PCSK6: variants seen among roughly 807,000 people sequenced by gnomAD.
PCSK6 encodes proprotein convertase subtilisin/kexin type 6.
In PCSK6, 85 loss-of-function variants were observed where a neutral mutation model predicts 123.3. That is an observed-to-expected ratio of 0.69 (90% CI 0.58 to 0.83). PCSK6 has a LOEUF of 0.83. PCSK6 is among the 40% of genes least tolerant of loss of function. PCSK6 has a pLI of 0.00. For synonymous variants in PCSK6, 508 were observed against 516.0 expected (o/e 0.98, Z 0.21); for missense variants, 1,191 against 1,282.3 (o/e 0.93, Z 1.09).
At chr15:101,330,396 C>T (rs773231567) in intron 15 of PCSK6, among the ~76,000 whole-genome samples, 28 of 152,254 alleles carry the variant, frequency 1.8e-4, no homozygotes, top group Non-Finnish European at 3.2e-4. Context: ...TCCTGATGCA[C>T]CATGACCATG....
intron 1 of PCSK6, among the ~76,000 whole-genome samples, chr15:101,474,548 C>A (rs1369331830): frequency 6.6e-6 from 1 of 152,224 alleles, no homozygotes; most frequent in Non-Finnish European, 1.5e-5. Flanking sequence ...CCCCTACCCT[C>A]TAATGGCATC....
rs117278521 is a variant in PCSK6, at chr15:101,381,439, G to A, written c.1532+653C>T. 3.2e-3 allele frequency among the ~76,000 whole-genome samples: 485 copies of A among 152,278 alleles called. 16 individuals carry two copies. The East Asian group carries it at 0.06, about 19-fold the overall frequency. On this transcript the variant is annotated intron_variant, in intron 11 of 21. Coordinates refer to ENST00000611716, the MANE Select transcript of PCSK6 (RefSeq NM_002570.5). ...CTTACTCCAAAGAGCAGTTCCGGGT[G>A]TGCCCTGCTCACGGGAGAGAGATGA... is the stretch of plus-strand genomic sequence containing the variant.
At chr15:101,486,433 T>C (rs772358037) in intron 1 of PCSK6, among the ~76,000 whole-genome samples, 1 of 152,230 alleles carries the variant, frequency 6.6e-6, no homozygotes, top group Non-Finnish European at 1.5e-5. Context: ...AACTCCCTTA[T>C]TAGCTCCAGG....
Position 101,331,962 on chromosome 15 carries a change from T to G in PCSK6, c.1928A>C (p.His643Pro). ...AEHPYHTFSAHQSRSRMLELS... is the reference protein window; with the variant it reads ...AEHPYHTFSAPQSRSRMLELS... ...CTCCAGCATCCGCGAGCGGGACTGA[T>G]GGGCACTGAAGGTGTGGTACGGGTG... Residue 643 changes from histidine (H) to proline (P), a missense_variant, in exon 14 of 22, where the codon CAT becomes CCT. Physicochemically the swap from His to Pro is moderately conservative, Grantham distance 77. Around this residue, in one of 3 missense-constraint regions of PCSK6, gnomAD observed 630 missense variants for 631.4 expected, o/e 1.00. Transcript: ENST00000611716. 1 of 1,613,850 alleles carries G rather than the reference T, an allele frequency of 6.2e-7. No homozygotes were observed. The highest frequency in any genetic ancestry group is 8.5e-7 in the Non-Finnish European group (1 of 1,179,828).
At chr15:101,331,750 T>A in intron 14 of PCSK6, 61 bp from the exon 15 acceptor site, 1 of 1,601,036 alleles carries the variant, frequency 6.2e-7, no homozygotes, top group East Asian at 2.2e-5. Flanking sequence ...CACACAACCA[T>A]CAGCCCCACC....
At chr15:101,454,206 T>A (rs1418414484) in intron 1 of PCSK6, among the ~76,000 whole-genome samples, 4 of 152,232 alleles carry the variant, frequency 2.6e-5, no homozygotes, top group Non-Finnish European at 1.5e-5. Context: ...GAGCAAGTTA[T>A]CCCAAGGGAA....
chr15:101,329,975 A>C (rs1479127451), intron 15 of PCSK6, among the ~76,000 whole-genome samples: 1 of 152,150 alleles, frequency 6.6e-6, no homozygotes, highest in Non-Finnish European at 1.5e-5. Context: ...GGCGTCCCAC[A>C]CCTGCTGAAT....
intron 1 of PCSK6, among the ~76,000 whole-genome samples, chr15:101,470,681 T>C (rs1484740263): frequency 6.6e-6 from 1 of 152,176 alleles, no homozygotes; most frequent in African/African-American, 2.4e-5. Flanking sequence ...CCACCCCCAC[T>C]TCTCCAACGT....
At chr15:101,432,164 T>C (rs1455971917) in intron 2 of PCSK6, 64 bp from the exon 3 acceptor site, 4 of 1,321,030 alleles carry the variant, frequency 3.0e-6, no homozygotes, top group East Asian at 4.9e-5. Flanking sequence ...TGTAGCCTCT[T>C]TGCAGGTGCT....
At chr15:101,468,072 A>G (rs1596368171) in intron 1 of PCSK6, among the ~76,000 whole-genome samples, 2 of 152,236 alleles carry the variant, frequency 1.3e-5, no homozygotes, top group Admixed American at 1.3e-4. Flanking sequence ...ATGTTTCAAA[A>G]ATAACAAAGG....
chr15:101,313,950 A>T (rs1193905505), intron 19 of PCSK6: 1 of 154,188 alleles, frequency 6.5e-6, no homozygotes, highest in Admixed American at 6.4e-5. Context: ...TACTAAAATT[A>T]TTTTTGCCTG....
At chr15:101,430,180 T>G (rs948073267) in intron 4 of PCSK6, 117 bp from the exon 5 acceptor site, 20 of 741,132 alleles carry the variant, frequency 2.7e-5, no homozygotes, top group Non-Finnish European at 4.6e-5. Flanking sequence ...TCTCTTACTA[T>G]AGCTATAATC....
chr15:101,412,576 C>T (rs184557718), intron 6 of PCSK6, among the ~76,000 whole-genome samples: 13 of 150,874 alleles, frequency 8.6e-5, no homozygotes, highest in Admixed American at 4.0e-4. Context: ...AAGAAATACA[C>T]GATATAAAGA....
At chr15:101,464,355 C>G (rs147527631) in intron 1 of PCSK6, among the ~76,000 whole-genome samples, 1 of 152,154 alleles carries the variant, frequency 6.6e-6, no homozygotes, top group Non-Finnish European at 1.5e-5. Context: ...TGTACCCACA[C>G]GTGTGGACAA....
At chr15:101,307,408 T>C (rs2039750666) in intron 20 of PCSK6, 83 bp from the exon 21 acceptor site, 1 of 934,022 alleles carries the variant, frequency 1.1e-6, no homozygotes, top group Non-Finnish European at 1.7e-6. Context: ...CTCACCTCCC[T>C]GCACCTCCTT....
chr15:101,339,798 C>A (rs1434077777), intron 13 of PCSK6, among the ~76,000 whole-genome samples: 1 of 151,974 alleles, frequency 6.6e-6, no homozygotes, highest in African/African-American at 2.4e-5. Context: ...GTAGTCCTAT[C>A]CATTCAGGAG....
intron 1 of PCSK6, among the ~76,000 whole-genome samples, chr15:101,444,476 T>C (rs2141155890): frequency 6.6e-6 from 1 of 152,310 alleles, no homozygotes; most frequent in East Asian, 1.9e-4. Flanking sequence ...ATACAGACCC[T>C]CAGGTTGATC....
chr15:101,400,426 T>A (rs1468726508), intron 6 of PCSK6, among the ~76,000 whole-genome samples: 4 of 152,210 alleles, frequency 2.6e-5, no homozygotes, highest in Non-Finnish European at 5.9e-5. Context: ...TCTGCGCCTG[T>A]TTGTTCTACA....
chr15:101,351,095 A>T (rs1362049650), intron 13 of PCSK6, among the ~76,000 whole-genome samples: 1 of 152,190 alleles, frequency 6.6e-6, no homozygotes, highest in Non-Finnish European at 1.5e-5. Flanking sequence ...CAGGGGAAGC[A>T]CTATCTCATG....
Sources: gnomAD v4.1 joint callset for allele counts (sites outside exome capture counted in the v4.1 genomes callset) on GRCh38, gnomAD v4.1.1 for gene constraint, gnomAD v4.1.1 regional missense constraint, MANE v1.5 for transcripts, NCBI Gene and HGNC (gene_info 2026-07-23, HGNC 2026-07-21) for gene names.